Variants in CEP135 observed in about 807,000 individuals in gnomAD.
CEP135 encodes the protein centrosomal protein 135.
In CEP135, 142 loss-of-function variants were observed where a neutral mutation model predicts 157.3. That is an observed-to-expected ratio of 0.90 (90% CI 0.79 to 1.04). The LOEUF (loss-of-function observed/expected upper bound fraction) is 1.04, where lower values mean the gene tolerates loss of function less well. CEP135 is among the 50% of genes least tolerant of loss of function. The pLI is 0.00. For missense variants in CEP135, 1,317 were observed against 1,309.2 expected, an observed-to-expected ratio of 1.01 and a Z score of -0.09; for synonymous variants, 396 against 439.8, an observed-to-expected ratio of 0.90 and a Z score of 1.25.
intron 21 of CEP135, among the ~76,000 whole-genome samples, chr4:56,017,304 A>G (rs1371941807): frequency 2.0e-5 from 3 of 152,140 alleles, no homozygotes; most frequent in African/African-American, 7.2e-5. Context: ...TTGAAATGAC[A>G]TTATTATAAC....
chr4:55,999,690 G>T (rs1730096935), intron 17 of CEP135, 45 bp downstream of exon 17: 1 of 1,551,898 alleles, frequency 6.4e-7, no homozygotes. Flanking sequence ...AAACAGAACA[G>T]TTTTTTTTGT....
At chr4:55,958,621 A>T (rs988395427) in intron 5 of CEP135, among the ~76,000 whole-genome samples, 1 of 152,146 alleles carries the variant, frequency 6.6e-6, no homozygotes, top group African/African-American at 2.4e-5. Flanking sequence ...TAATTTATAT[A>T]TGCACATTTT....
In CEP135 at chr4:56,020,780, G is replaced by A. The variant is rs745603844; in HGVS notation, c.3320G>A (p.Arg1107Gln). The change falls in exon 24 of 26, where the codon CGA becomes CAA. Residue 1107 changes from arginine (R) to glutamine (Q), a missense_variant and splice_region_variant. Coordinates refer to ENST00000257287, the MANE Select transcript of CEP135 (RefSeq NM_025009.5). ...KRQISTERYE[R>Q]ERAIQEMRRH... is the part of the protein sequence containing the mutation. ...CAGATCTCAACTGAAAGATACGAAC[G>A]GTAAGACAAATTTTTTTTACATTTG... is the stretch of plus-strand genomic sequence containing the variant. The A allele has an allele frequency of 1.5e-5, 24 of 1,607,034 alleles. No individual in the cohort carries two copies. In the African/African-American group the frequency reaches 1.6e-4, roughly 11 times the overall value.
chr4:56,011,337 G>A (rs556537157), intron 19 of CEP135, 75 bp from the exon 20 acceptor site: 6 of 980,558 alleles, frequency 6.1e-6, no homozygotes, highest in South Asian at 6.1e-5. Context: ...AATTCCAAAG[G>A]AATTATTTGA....
chr4:56,025,877 T>G (rs1731141817), intron 25 of CEP135, among the ~76,000 whole-genome samples: 1 of 150,758 alleles, frequency 6.6e-6, no homozygotes, highest in Non-Finnish European at 1.5e-5. Context: ...ATGAACAAAT[T>G]GAACACATCC....
intron 25 of CEP135, among the ~76,000 whole-genome samples, chr4:56,025,907 C>CAAA (rs57866677): frequency 7.3e-6 from 1 of 137,126 alleles, no homozygotes; most frequent in Non-Finnish European, 1.6e-5. Flanking sequence ...GCATGAAAAT[C>CAAA]AAAAAAAAAA....
At chr4:55,987,721 G>A (rs1237228148) in intron 14 of CEP135, among the ~76,000 whole-genome samples, 1 of 151,940 alleles carries the variant, frequency 6.6e-6, no homozygotes, top group Admixed American at 6.6e-5. Context: ...ATTAATTACT[G>A]GAAAATGTAT....
intron 6 of CEP135, among the ~76,000 whole-genome samples, chr4:55,962,900 G>A (rs1728729011): frequency 1.3e-5 from 2 of 151,282 alleles, no homozygotes; most frequent in South Asian, 4.2e-4. Context: ...TCTCTCTGTG[G>A]CTCAAACTTC....
intron 13 of CEP135, among the ~76,000 whole-genome samples, chr4:55,982,195 ATCAC>A (rs999504741): frequency 1.4e-4 from 22 of 152,198 alleles, no homozygotes; most frequent in Non-Finnish European, 7.3e-5. Context: ...TATAAATTGA[ATCAC>A]TCGATATGTG....
chr4:55,966,163 G>A lies in CEP135; in HGVS notation c.1044+304G>A, dbSNP rs140655685. On this transcript the variant is annotated intron_variant, in intron 8 of 25. Coordinates refer to ENST00000257287, the MANE Select transcript of CEP135 (RefSeq NM_025009.5). ...CCCTTTATCTATGCATTGTGAGAGA[G>A]CTTTTAAAGTTTCCCCTCTATGTCA... 140 of 238,218 alleles carry A rather than the reference G, an allele frequency of 5.9e-4. 1 individual carries two copies. Among genetic ancestry groups the A allele is most frequent in the African/African-American group, 2.9e-3 (126 of 43,608 alleles). 14.8% of individuals were successfully genotyped at this position (238,218 alleles called of 1,614,324 possible). A position where few individuals can be genotyped will look rare whatever the true frequency, so the allele number is the denominator to read the frequency against.
intron 21 of CEP135, among the ~76,000 whole-genome samples, chr4:56,014,984 G>A (rs1199218632): frequency 6.6e-6 from 1 of 152,090 alleles, no homozygotes; most frequent in Non-Finnish European, 1.5e-5. Flanking sequence ...CAAGGCTGCA[G>A]TGAGCCGAGA....
At chr4:55,997,696 G>T (rs572262117) in intron 15 of CEP135, among the ~76,000 whole-genome samples, 2 of 152,044 alleles carry the variant, frequency 1.3e-5, no homozygotes, top group Non-Finnish European at 2.9e-5. Flanking sequence ...CCTTGGACAA[G>T]TTTTTTTGTT....
chr4:56,011,490 G>T lies in CEP135; in HGVS notation c.2584G>T (p.Val862Leu). ...CAGAGTTCATAAATACATAACAGAGGTGTCACGATGGGAGAGCTTAATGGC... is the reference window on the plus strand; with the variant it reads ...CAGAGTTCATAAATACATAACAGAGTTGTCACGATGGGAGAGCTTAATGGC... The part of the protein sequence containing the change: ...KSRVHKYITE[V>L]SRWESLMAAK... Residue 862 changes from valine (V) to leucine (L), a missense_variant, in exon 20 of 26, where the codon GTG (valine) becomes TTG (leucine). By Grantham distance (32) the Val-to-Leu change is conservative (BLOSUM62 1). Transcript: ENST00000257287. 4 of 1,611,380 alleles carry T rather than the reference G, an allele frequency of 2.5e-6. No homozygotes were observed. Among genetic ancestry groups the T allele is most frequent in the Non-Finnish European group, 3.4e-6 (4 of 1,179,200 alleles).
rs762033058 is a variant in CEP135, at chr4:55,974,868, A to G, written c.1372A>G (p.Lys458Glu). ...KGIEEERDYY[K>E]KELERLQHII... Reference sequence around the variant, plus strand: ...TATAGAAGAAGAACGAGATTATTATAAGAAAGAGCTAGAGAGACTCCAACA... The same window carrying G: ...TATAGAAGAAGAACGAGATTATTATGAGAAAGAGCTAGAGAGACTCCAACA... Residue 458 changes from lysine to glutamate, a missense_variant, in exon 11 of 26, where the codon AAG becomes GAG. Physicochemically the swap from Lys to Glu is moderately conservative, Grantham distance 56. Transcript: ENST00000257287. 2.5e-6 allele frequency: 4 copies of G among 1,613,882 alleles called. No individual in the cohort carries two copies. Among genetic ancestry groups the G allele is most frequent in the South Asian group, 1.1e-5 (1 of 91,048 alleles).
chr4:56,022,609 T>C (rs1055046599), intron 24 of CEP135, among the ~76,000 whole-genome samples: 11 of 152,028 alleles, frequency 7.2e-5, no homozygotes, highest in African/African-American at 2.7e-4. Context: ...ACTGAAGAAC[T>C]CAAGTTCTTT....
At chr4:56,018,809 C>T (rs1015373826) in intron 22 of CEP135, among the ~76,000 whole-genome samples, 1 of 151,808 alleles carries the variant, frequency 6.6e-6, no homozygotes, top group Non-Finnish European at 1.5e-5. Context: ...TCAGTGCTTC[C>T]GAAGTAGAAT....
chr4:55,972,073 T>C (rs1026009894), intron 10 of CEP135, among the ~76,000 whole-genome samples: 1 of 152,056 alleles, frequency 6.6e-6, no homozygotes, highest in Admixed American at 6.6e-5. Flanking sequence ...TCGTTTTAAC[T>C]TGGGAGGTGG....
chr4:55,954,370 A>C lies in CEP135; in HGVS notation c.459A>C (p.Val153=). Residue 153 remains valine, a synonymous_variant, in exon 4 of 26, where the codon GTA becomes GTC. Coordinates refer to ENST00000257287, the MANE Select transcript of CEP135 (RefSeq NM_025009.5). ...QQLQEKNLHA[V]VQTPGGKKRS... ...TTCAAGAAAAGAATTTGCATGCTGT[A>C]GTACAAACTCCAGGTAAATCGATTC... 6.2e-7 allele frequency: 1 copy of C among 1,600,224 alleles called. No homozygotes were observed. The highest frequency in any genetic ancestry group is 8.5e-7 in the Non-Finnish European group (1 of 1,176,104).
rs769669478 is a variant in CEP135 at position 56,020,691 on chromosome 4, G to A, written c.3231G>A (p.Arg1077=). 6.2e-7 allele frequency: 1 copy of A among 1,613,458 alleles called. No homozygotes were observed. The highest frequency in any genetic ancestry group is 8.5e-7 in the Non-Finnish European group (1 of 1,179,682). ...TGTTTTTAAGAACTAGTCAAAGCCGGGAAAACACCATGCTTCGAGCTAAAG... is the reference window on the plus strand; with the variant it reads ...TGTTTTTAAGAACTAGTCAAAGCCGAGAAAACACCATGCTTCGAGCTAAAG... ...LSESKLTSQS[R]ENTMLRAKVA... is the part of the protein sequence containing the mutation. The change falls in exon 24 of 26, where the codon CGG becomes CGA. Residue 1077 remains arginine, a synonymous_variant. Transcript: ENST00000257287.
Sources: gnomAD v4.1 joint callset for allele counts (sites outside exome capture counted in the v4.1 genomes callset) on GRCh38, gnomAD v4.1.1 for gene constraint, MANE v1.5 for transcripts, NCBI Gene and HGNC (gene_info 2026-07-23, HGNC 2026-07-21) for gene names.